SLC7A14: variants seen among roughly 807,000 people sequenced by gnomAD.
SLC7A14 encodes the protein solute carrier family 7 member 14, also known as gamma-aminobutyric acid transporter SLC7A14.
SLC7A14 carries 37 observed loss-of-function variants against 60.2 expected under a neutral mutation model. The ratio of observed to expected loss-of-function variants is 0.61; its 90% CI spans 0.47 to 0.81. The LOEUF (loss-of-function observed/expected upper bound fraction) is 0.81. SLC7A14 is among the 30% of genes least tolerant of loss of function. The probability of loss-of-function intolerance (pLI) is 0.00; values close to 1 mark genes in which losing one functional copy is unlikely to be tolerated. For missense variants in SLC7A14, 886 were observed against 982.7 expected (o/e 0.90, Z 1.32); for synonymous variants, 399 against 395.8 (o/e 1.01, Z -0.10).
intron 5 of SLC7A14, 101 bp from the exon 6 acceptor site, chr3:170,483,623 C>T (rs1711920048): frequency 2.4e-6 from 3 of 1,274,678 alleles, no homozygotes; most frequent in East Asian, 2.3e-5. Context: ...GAGGCAGAGG[C>T]TTGCATGGCA....
chr3:170,573,682 T>C (rs1042821643), intron 1 of SLC7A14, among the ~76,000 whole-genome samples: 15 of 152,252 alleles, frequency 9.9e-5, no homozygotes, highest in African/African-American at 3.4e-4. Flanking sequence ...TCTTCACCAC[T>C]AGCGAAACAG....
At chr3:170,523,056 T>C (rs908326892) in intron 2 of SLC7A14, among the ~76,000 whole-genome samples, 50 of 152,210 alleles carry the variant, frequency 3.3e-4, no homozygotes, top group African/African-American at 1.2e-3. Context: ...GCACCTAATT[T>C]AGGGTTTGGC....
chr3:170,566,494 C>G (rs1714792119), intron 1 of SLC7A14, among the ~76,000 whole-genome samples: 1 of 152,152 alleles, frequency 6.6e-6, no homozygotes, highest in Non-Finnish European at 1.5e-5. Flanking sequence ...CTTTTTCTTG[C>G]ACAATTTTCA....
rs374365431 is a variant in SLC7A14, at chr3:170,581,939, CAT to C, written c.-153+3970_-153+3971del. 1.1e-3 allele frequency among the ~76,000 whole-genome samples: 161 copies of C among 152,292 alleles called. 1 individual carries two copies. The highest frequency in any genetic ancestry group is 3.6e-3 in the African/African-American group (148 of 41,572). On this transcript the variant is annotated intron_variant, in intron 1 of 7. Transcript: ENST00000231706. ...TACTAAGACAAGATAAACACACACA[CAT>C]GTTATTACATATACATGTAATCTAT...
intron 4 of SLC7A14, among the ~76,000 whole-genome samples, chr3:170,495,174 T>C (rs1330074197): frequency 6.6e-6 from 1 of 152,236 alleles, no homozygotes; most frequent in African/African-American, 2.4e-5. Flanking sequence ...CATAAAAACA[T>C]CCAAGATTTT....
chr3:170,483,514 C>G lies in SLC7A14; in HGVS notation c.915G>C (p.Val305=). The change falls in exon 6 of 8, where the codon GTG becomes GTC. Residue 305 remains valine (V), a synonymous_variant. Coordinates refer to ENST00000231706, the MANE Select transcript of SLC7A14 (RefSeq NM_020949.3). ...ICLTAYVSVS[V]ILTLMVPYYT... is the part of the protein sequence containing the mutation. Reference sequence around the variant, plus strand: ...AATATGGCACCATCAGAGTTAAGATCACGCTCACCTGTTAAAACAAGAGAA... The same window carrying G: ...AATATGGCACCATCAGAGTTAAGATGACGCTCACCTGTTAAAACAAGAGAA... 6.2e-7 allele frequency: 1 copy of G among 1,614,178 alleles called. No individual in the cohort carries two copies. Among genetic ancestry groups the G allele is most frequent in the Non-Finnish European group, 8.5e-7 (1 of 1,180,042 alleles).
intron 1 of SLC7A14, among the ~76,000 whole-genome samples, chr3:170,577,567 G>A (rs1187908243): frequency 6.8e-6 from 1 of 146,822 alleles, no homozygotes; most frequent in Admixed American, 6.9e-5. Flanking sequence ...GCAGTGAGCC[G>A]AGATTGCGCC....
chr3:170,548,473 T>A, intron 1 of SLC7A14, among the ~76,000 whole-genome samples: 1 of 152,236 alleles, frequency 6.6e-6, no homozygotes, highest in East Asian at 1.9e-4. Context: ...GCAGTTGGTT[T>A]GCATCTAGCA....
chr3:170,528,037 G>A (rs918648168), intron 1 of SLC7A14, among the ~76,000 whole-genome samples: 8 of 152,180 alleles, frequency 5.3e-5, no homozygotes, highest in African/African-American at 1.7e-4. Flanking sequence ...CCGTGGTATT[G>A]CATTTCTCAT....
chr3:170,483,581 G>T, intron 5 of SLC7A14, 59 bp from the exon 6 acceptor site: 2 of 1,583,182 alleles, frequency 1.3e-6, no homozygotes, highest in Non-Finnish European at 8.7e-7. Context: ...ATGGATAGAG[G>T]CCCCACGGGA....
intron 3 of SLC7A14, among the ~76,000 whole-genome samples, chr3:170,499,462 C>T (rs1184933888): frequency 6.6e-6 from 1 of 151,964 alleles, no homozygotes; most frequent in African/African-American, 2.4e-5. Context: ...CCTATGAAAC[C>T]ATGGCACAGA....
intron 1 of SLC7A14, among the ~76,000 whole-genome samples, chr3:170,547,720 CTG>C (rs761950203): frequency 6.6e-6 from 1 of 152,058 alleles, no homozygotes; most frequent in African/African-American, 2.4e-5. Context: ...TATCACAAAA[CTG>C]AGATATTATT....
intron 1 of SLC7A14, among the ~76,000 whole-genome samples, chr3:170,567,038 A>G (rs1042688417): frequency 6.6e-6 from 1 of 151,332 alleles, no homozygotes; most frequent in African/African-American, 2.4e-5. Context: ...TTTAAGTTTT[A>G]GGGTACATGT....
At chr3:170,471,338 T>C (rs568171295) in intron 7 of SLC7A14, among the ~76,000 whole-genome samples, 5 of 152,314 alleles carry the variant, frequency 3.3e-5, no homozygotes, top group African/African-American at 1.2e-4. Context: ...GAAGAACATA[T>C]ACAAAAGTGG....
At chr3:170,566,271 C>A (rs1714783972) in intron 1 of SLC7A14, among the ~76,000 whole-genome samples, 1 of 152,112 alleles carries the variant, frequency 6.6e-6, no homozygotes, top group South Asian at 2.1e-4. Context: ...TTCTGCTAAC[C>A]CTTTTACCGT....
At chr3:170,482,221 G>A (rs150772910) in intron 6 of SLC7A14, among the ~76,000 whole-genome samples, 95 of 152,260 alleles carry the variant, frequency 6.2e-4, no homozygotes, top group Non-Finnish European at 1.1e-3. Context: ...TTATTTTTAT[G>A]GTTCACACAA....
rs759220289 is a variant in SLC7A14, at chr3:170,480,614, C to T, written c.1668G>A (p.Arg556=). Residue 556 remains arginine (R), a synonymous_variant, in exon 7 of 8, where the codon CGG becomes CGA. Transcript: ENST00000231706. Reference sequence around the variant, plus strand: ...CCGTGTGCCCCGTCGCTGCTGTGGGCCGGTCCATTTTGCCTGGAAGGCCCA... The same window carrying T: ...CCGTGTGCCCCGTCGCTGCTGTGGGTCGGTCCATTTTGCCTGGAAGGCCCA... The part of the protein sequence containing the change: ...IRLGLPGKMD[R]PTAATGHTVT... 6.2e-7 allele frequency: 1 copy of T among 1,614,204 alleles called. No individual in the cohort carries two copies. The highest frequency in any genetic ancestry group is 1.1e-5 in the South Asian group (1 of 91,080).
intron 7 of SLC7A14, among the ~76,000 whole-genome samples, chr3:170,476,054 C>T (rs1304049637): frequency 4.6e-5 from 7 of 152,178 alleles, no homozygotes. Flanking sequence ...GACATTGATG[C>T]TGCTGGTCTG....
At chr3:170,563,409 G>GTTT (rs1244002284) in intron 1 of SLC7A14, among the ~76,000 whole-genome samples, 1 of 102,448 alleles carries the variant, frequency 9.8e-6, no homozygotes, top group South Asian at 3.6e-4. Flanking sequence ...AACACTGTTT[G>GTTT]TTTGTTTGTT....
Sources: allele counts gnomAD v4.1 joint callset (sites outside exome capture counted in the v4.1 genomes callset), GRCh38; gene constraint gnomAD v4.1.1; transcripts MANE v1.5; gene names NCBI Gene and HGNC (gene_info 2026-07-23, HGNC 2026-07-21).